The following ZNF37A variants were observed in gnomAD, a reference collection of about 807,000 sequenced individuals.
ZNF37A encodes zinc finger protein 37A, also known as zinc finger protein 37a (KOX 21).
ZNF37A carries 10 observed loss-of-function variants against 12.3 expected under a neutral mutation model. The ratio of observed to expected loss-of-function variants is 0.82; its 90% CI spans 0.50 to 1.38. ZNF37A has a LOEUF of 1.38. Ranked by LOEUF, ZNF37A falls within the 40% of genes most tolerant of loss-of-function variation. ZNF37A has a pLI of 0.00. For missense variants in ZNF37A, 580 were observed against 651.2 expected, an observed-to-expected ratio of 0.89 and a Z score of 1.19; for synonymous variants, 207 against 223.0, an observed-to-expected ratio of 0.93 and a Z score of 0.64.
rs1376120648 is a variant in ZNF37A, at chr10:38,124,446, G to A, written c.*5609G>A. On this transcript the variant is annotated 3_prime_UTR_variant, in exon 8 of 8. Transcript: ENST00000685332. ...GTCAATAATAATTGTGCATTTTAAA[G>A]GTATAATTGAATTGTAACACAAAGG... 6.6e-6 allele frequency: 1 copy of A among 152,028 alleles called. No individual in the cohort carries two copies. The highest frequency in any genetic ancestry group is 1.5e-5 in the Non-Finnish European group (1 of 68,008). The allele number at this position is 152,028 out of a possible 1,614,324, so 9.4% of individuals were successfully genotyped here.
At chr10:38,129,285 G>C (rs1449107200), downstream of ZNF37A, among the ~76,000 whole-genome samples, 3 of 73,548 alleles carry the variant, frequency 4.1e-5, no homozygotes, top group Admixed American at 2.9e-4. Flanking sequence ...CAGCCTGGGT[G>C]ACAGAGCAAG....
rs1176230610 is a variant in ZNF37A, at chr10:38,120,065, C to T, written c.*1228C>T. 1 of 152,188 alleles carries T rather than the reference C, an allele frequency of 6.6e-6. No homozygotes were observed. The highest frequency in any genetic ancestry group is 6.5e-5 in the Admixed American group (1 of 15,274). 9.4% of individuals were successfully genotyped at this position (152,188 alleles called of 1,614,324 possible). A position where few individuals can be genotyped will look rare whatever the true frequency, so the allele number is the denominator to read the frequency against. On this transcript the variant is annotated 3_prime_UTR_variant, in exon 8 of 8. Coordinates refer to ENST00000685332, the MANE Select transcript of ZNF37A (RefSeq NM_001324250.3). ...AACTCTATTTCTCTCCATACTGAAACATGTCTTTCATAGGTGATACAACTT... is the reference window on the plus strand; with the variant it reads ...AACTCTATTTCTCTCCATACTGAAATATGTCTTTCATAGGTGATACAACTT...
intron 5 of ZNF37A, among the ~76,000 whole-genome samples, chr10:38,112,454 G>C (rs1464945161): frequency 6.6e-6 from 1 of 151,730 alleles, no homozygotes; most frequent in Non-Finnish European, 1.5e-5. Context: ...TCATTTCAAG[G>C]TCTGATTGCA....
chr10:38,116,182 C>T (rs2069257027), intron 7 of ZNF37A, among the ~76,000 whole-genome samples: 1 of 152,128 alleles, frequency 6.6e-6, no homozygotes, highest in Non-Finnish European at 1.5e-5. Flanking sequence ...TACTGATAAA[C>T]ATTATTTGTT....
Position 38,118,975 on chromosome 10 carries a change from T to G in ZNF37A, c.*138T>G. ...AAAGAGGGAAAAAACAATATGAAGATAGGGAATGCAGGAAAACATTATTCT... is the reference window on the plus strand; with the variant it reads ...AAAGAGGGAAAAAACAATATGAAGAGAGGGAATGCAGGAAAACATTATTCT... On this transcript the variant is annotated 3_prime_UTR_variant, in exon 8 of 8. Coordinates refer to ENST00000685332, the MANE Select transcript of ZNF37A (RefSeq NM_001324250.3). 2 of 1,339,398 alleles carry G rather than the reference T, an allele frequency of 1.5e-6. No individual in the cohort carries two copies. The highest frequency in any genetic ancestry group is 1.9e-6 in the Non-Finnish European group (2 of 1,048,216). The allele number at this position is 1,339,398 out of a possible 1,614,324, so 83.0% of individuals were successfully genotyped here.
chr10:38,105,065 G>A (rs796274543), intron 5 of ZNF37A, among the ~76,000 whole-genome samples: 17 of 150,722 alleles, frequency 1.1e-4, no homozygotes, highest in African/African-American at 4.2e-4. Flanking sequence ...GAATGCAATG[G>A]CATGATCTCA....
chr10:38,128,297 C>T (rs570779289), downstream of ZNF37A, among the ~76,000 whole-genome samples: 2 of 152,186 alleles, frequency 1.3e-5, no homozygotes, highest in East Asian at 1.9e-4. Context: ...TAATTTATGT[C>T]GGGCCCTGGG....
At position 38,121,243 on chromosome 10, in the gene ZNF37A, C is replaced by T. The variant is rs1345084699; in HGVS notation, c.*2406C>T. 6.6e-6 allele frequency: 1 copy of T among 151,574 alleles called. No individual in the cohort carries two copies. The allele number at this position is 151,574 out of a possible 1,614,324, so 9.4% of individuals were successfully genotyped here. ...ACAAAAAAACCCATAAAGCTATAGA[C>T]CAAAGTCTCATAGATTTAGATGCAA... is the stretch of plus-strand genomic sequence containing the variant. On this transcript the variant is annotated 3_prime_UTR_variant, in exon 8 of 8. Transcript: ENST00000685332.
At chr10:38,097,223 T>C (rs1314506094) in intron 5 of ZNF37A, among the ~76,000 whole-genome samples, 1 of 152,104 alleles carries the variant, frequency 6.6e-6, no homozygotes, top group Non-Finnish European at 1.5e-5. Flanking sequence ...TACAACGAAG[T>C]GAATAATTCA....
At chr10:38,110,720 CAT>C (rs771537939) in intron 5 of ZNF37A, among the ~76,000 whole-genome samples, 112 of 152,234 alleles carry the variant, frequency 7.4e-4, no homozygotes, top group Middle Eastern at 3.4e-3. Flanking sequence ...GGCCAACAAA[CAT>C]ATGAAAAAAA....
intron 5 of ZNF37A, among the ~76,000 whole-genome samples, chr10:38,104,883 T>G (rs184376355): frequency 1.9e-4 from 29 of 152,322 alleles, no homozygotes; most frequent in African/African-American, 7.0e-4. Context: ...AGTTTCAATC[T>G]TAACCCCATA....
intron 4 of ZNF37A, 63 bp from the exon 5 acceptor site, chr10:38,096,511 C>A: frequency 1.8e-6 from 2 of 1,139,714 alleles, no homozygotes; most frequent in East Asian, 2.4e-5. Flanking sequence ...AGATGTTTTG[C>A]CGGCTGCGAA....
chr10:38,135,280 G>A (rs1393956253), intron 7 of ZNF37A, among the ~76,000 whole-genome samples: 5 of 152,208 alleles, frequency 3.3e-5, no homozygotes, highest in Non-Finnish European at 7.3e-5. Context: ...AGCTACTCAG[G>A]AGGCTGAGGC....
intron 5 of ZNF37A, among the ~76,000 whole-genome samples, chr10:38,103,371 A>G (rs2067754943): frequency 6.6e-6 from 1 of 152,184 alleles, no homozygotes; most frequent in Non-Finnish European, 1.5e-5. Flanking sequence ...AGCTCCAGAC[A>G]GTCCTAATTA....
rs534594869 is a variant in ZNF37A at position 38,117,033 on chromosome 10, C to T, written c.239-357C>T. 3.1e-5 allele frequency: 9 copies of T among 286,634 alleles called. No homozygotes were observed. The South Asian group carries it at 1.1e-3, about 34-fold the overall frequency. 17.8% of individuals were successfully genotyped at this position (286,634 alleles called of 1,614,324 possible). A position where few individuals can be genotyped will look rare whatever the true frequency, so the allele number is the denominator to read the frequency against. On this transcript the variant is annotated intron_variant, in intron 7 of 7. Transcript: ENST00000685332. The stretch of plus-strand genomic sequence containing the variant: ...TTGAGGCATGGGAATCACTTGAACC[C>T]AGGAAGCGGAGATTGCAGTGAGCCG...
downstream of ZNF37A, among the ~76,000 whole-genome samples, chr10:38,129,322 A>G (rs1035193479): frequency 2.7e-5 from 4 of 148,004 alleles, 1 homozygote; most frequent in African/African-American, 1.0e-4. Context: ...AAAAAAAAAA[A>G]CTATTATTTT....
chr10:38,147,290 G>A (rs2070266983), exon 8 of ZNF37A: 1 of 152,184 alleles, frequency 6.6e-6, no homozygotes, highest in Admixed American at 6.5e-5. Flanking sequence ...GGTGTCCAAA[G>A]TGGGTCCTGG....
At position 38,115,303 on chromosome 10, in the gene ZNF37A, G is replaced by A. The variant is rs1260175485; in HGVS notation, c.238+13G>A. ...CAGAGTCATCTGGGTGAGTTAGTAT[G>A]TGCCAGATGGAATTTAAAGGAAGGT... On this transcript the variant is annotated intron_variant, in intron 7 of 7. Transcript: ENST00000685332. 2 of 1,611,566 alleles carry A rather than the reference G, an allele frequency of 1.2e-6. No homozygotes were observed. The highest frequency in any genetic ancestry group is 4.5e-5 in the East Asian group (2 of 44,764).
At chr10:38,100,201 C>G (rs919806737) in intron 5 of ZNF37A, among the ~76,000 whole-genome samples, 1 of 152,148 alleles carries the variant, frequency 6.6e-6, no homozygotes, top group African/African-American at 2.4e-5. Context: ...TAGAATATCA[C>G]AAGGCAAGTG....
Sources: gnomAD v4.1 joint callset for allele counts (sites outside exome capture counted in the v4.1 genomes callset) on GRCh38, gnomAD v4.1.1 for gene constraint, MANE v1.5 for transcripts, NCBI Gene and HGNC (gene_info 2026-07-23, HGNC 2026-07-21) for gene names.